The following NEDD4L variants were observed in gnomAD, a reference collection of about 807,000 sequenced individuals.
NEDD4L encodes the protein NEDD4 like E3 ubiquitin protein ligase, also known as E3 ubiquitin-protein ligase NEDD4-like.
A neutral mutation model predicts 148.9 loss-of-function variants in NEDD4L; 54 were observed. The ratio of observed to expected loss-of-function variants is 0.36; its 90% CI spans 0.29 to 0.45. The LOEUF (loss-of-function observed/expected upper bound fraction) is 0.45. Among genes scored for constraint, NEDD4L ranks in the 20% least tolerant of loss-of-function variants. The pLI is 1.00. For synonymous variants in NEDD4L, 433 were observed against 440.7 expected (o/e 0.98, Z 0.22); for missense variants, 856 against 1,233.8 (o/e 0.69, Z 4.59).
chr18:58,180,240 C>A (rs1227444207), intron 2 of NEDD4L, among the ~76,000 whole-genome samples: 1 of 152,204 alleles, frequency 6.6e-6, no homozygotes, highest in African/African-American at 2.4e-5. Context: ...CAGAACCACC[C>A]CCTTCTCCCT....
intron 1 of NEDD4L, among the ~76,000 whole-genome samples, chr18:58,142,040 CTTT>C (rs552184742): frequency 4.8e-5 from 2 of 41,864 alleles, no homozygotes; most frequent in Non-Finnish European, 9.1e-5. Context: ...AAATTTCTTT[CTTT>C]TTTTTTTTTT....
At position 58,351,027 on chromosome 18, in the gene NEDD4L, A is replaced by G. The variant is rs1188940410; in HGVS notation, c.1690A>G (p.Thr564Ala). 6.3e-7 allele frequency: 1 copy of G among 1,594,956 alleles called. No individual in the cohort carries two copies. The highest frequency in any genetic ancestry group is 8.5e-7 in the Non-Finnish European group (1 of 1,170,008). Residue 564 changes from threonine (T) to alanine (A), a missense_variant, in exon 18 of 31, where the codon ACG becomes GCG. Thr to Ala is a moderately conservative substitution (Grantham distance 58). This residue lies in a region of NEDD4L where 286 missense variants were observed against 531.8 expected (regional missense o/e 0.54). Coordinates refer to ENST00000400345, the MANE Select transcript of NEDD4L (RefSeq NM_001144967.3). ...WEERIHLDGR[T>A]FYIDHNSKIT... is the part of the protein sequence containing the mutation. ...AGAAAGAATTCACTTGGATGGCCGA[A>G]CGTTTTATATTGATCATAGTAAGTA...
At chr18:58,122,173 G>T (rs1436329533) in intron 1 of NEDD4L, among the ~76,000 whole-genome samples, 2 of 152,186 alleles carry the variant, frequency 1.3e-5, no homozygotes, top group Non-Finnish European at 2.9e-5. Flanking sequence ...CTGATGGCAG[G>T]GTTGGCAGTG....
chr18:58,356,394 C>G (rs368871843), intron 18 of NEDD4L, among the ~76,000 whole-genome samples: 8 of 151,308 alleles, frequency 5.3e-5, no homozygotes, highest in African/African-American at 1.7e-4. Context: ...GAGTCCATTG[C>G]ACTCTCTCTC....
At chr18:58,044,882 C>T (rs1156241230) in intron 1 of NEDD4L, among the ~76,000 whole-genome samples, 174 bp downstream of exon 1, 2 of 152,184 alleles carry the variant, frequency 1.3e-5, no homozygotes, top group Admixed American at 1.3e-4. Context: ...TTCCGCACCC[C>T]CCACCCTCCG....
intron 1 of NEDD4L, among the ~76,000 whole-genome samples, chr18:58,096,045 G>C (rs1180985591): frequency 6.6e-6 from 1 of 152,060 alleles, no homozygotes; most frequent in Non-Finnish European, 1.5e-5. Context: ...CCCTGATTTA[G>C]AGTTTTAGGA....
At chr18:58,252,883 T>C (rs2048096105) in intron 5 of NEDD4L, among the ~76,000 whole-genome samples, 1 of 152,128 alleles carries the variant, frequency 6.6e-6, no homozygotes, top group Admixed American at 6.5e-5. Flanking sequence ...CAGATTTCAT[T>C]TTAGAAATGG....
intron 2 of NEDD4L, chr18:58,227,832 TCTG>T: frequency 2.1e-6 from 2 of 970,662 alleles, no homozygotes; most frequent in Non-Finnish European, 2.4e-6. Flanking sequence ...TCTTTCAGCT[TCTG>T]CTCCATTGCT....
At chr18:58,360,295 G>T (rs1009955643) in intron 19 of NEDD4L, among the ~76,000 whole-genome samples, 1 of 152,116 alleles carries the variant, frequency 6.6e-6, no homozygotes, top group East Asian at 1.9e-4. Flanking sequence ...GCATTTTTCC[G>T]ATTCTCTCTA....
intron 1 of NEDD4L, among the ~76,000 whole-genome samples, chr18:58,135,341 G>T (rs1420708543): frequency 6.6e-6 from 1 of 152,250 alleles, no homozygotes; most frequent in African/African-American, 2.4e-5. Flanking sequence ...TCATGTGGTA[G>T]TTTAATGATA....
At chr18:58,228,978 G>A (rs2044722632) in intron 2 of NEDD4L, among the ~76,000 whole-genome samples, 1 of 152,164 alleles carries the variant, frequency 6.6e-6, no homozygotes, top group Admixed American at 6.5e-5. Flanking sequence ...TTCTCGAGGC[G>A]CGGCTCACAA....
At chr18:58,301,844 C>G (rs1253687754) in intron 5 of NEDD4L, among the ~76,000 whole-genome samples, 2 of 152,156 alleles carry the variant, frequency 1.3e-5, no homozygotes, top group African/African-American at 4.8e-5. Flanking sequence ...GGCCCCAAGC[C>G]CAGCTCTGTC....
chr18:58,344,652 T>A (rs1464242203), intron 16 of NEDD4L, among the ~76,000 whole-genome samples: 1 of 152,232 alleles, frequency 6.6e-6, no homozygotes, highest in African/African-American at 2.4e-5. Context: ...GAAGATAATG[T>A]TACAGATTTG....
intron 5 of NEDD4L, among the ~76,000 whole-genome samples, chr18:58,277,502 A>C (rs1252658577): frequency 2.0e-5 from 3 of 151,818 alleles, no homozygotes; most frequent in Admixed American, 6.6e-5. Flanking sequence ...TAATTGTGGC[A>C]GTCTCCCCTA....
At chr18:58,180,567 G>A (rs2038750050) in intron 2 of NEDD4L, among the ~76,000 whole-genome samples, 1 of 152,082 alleles carries the variant, frequency 6.6e-6, no homozygotes, top group Non-Finnish European at 1.5e-5. Flanking sequence ...CCCACCCCTT[G>A]GCTGAATCTC....
chr18:58,044,631 G>T lies in NEDD4L; in HGVS notation c.-30G>T. The T allele has an allele frequency of 6.3e-7, 1 of 1,580,246 alleles. No homozygotes were observed. Among genetic ancestry groups the T allele is most frequent in the Non-Finnish European group, 8.6e-7 (1 of 1,164,412 alleles). On this transcript the variant is annotated 5_prime_UTR_variant, in exon 1 of 31. Coordinates refer to ENST00000400345, the MANE Select transcript of NEDD4L (RefSeq NM_001144967.3). ...GCGCCGCAGCACAGCCGCTGGGAGCGCCTCAGACCCCGCGCGGGGCGCCGG... is the reference window on the plus strand; with the variant it reads ...GCGCCGCAGCACAGCCGCTGGGAGCTCCTCAGACCCCGCGCGGGGCGCCGG...
chr18:58,276,744 C>G (rs60769879), intron 5 of NEDD4L, among the ~76,000 whole-genome samples: 27,242 of 150,964 alleles, frequency 0.18, 2,603 homozygotes, highest in Non-Finnish European at 0.18. Flanking sequence ...AAGTTAATAG[C>G]TCCCACCCAT....
At chr18:58,227,210 G>A (rs554476656) in intron 2 of NEDD4L, among the ~76,000 whole-genome samples, 1 of 152,318 alleles carries the variant, frequency 6.6e-6, no homozygotes, top group African/African-American at 2.4e-5. Context: ...AGAGCGTTTT[G>A]TCTGTTTTCT....
chr18:58,385,835 C>T (rs2048941531), intron 26 of NEDD4L, among the ~76,000 whole-genome samples: 1 of 151,948 alleles, frequency 6.6e-6, no homozygotes, highest in Non-Finnish European at 1.5e-5. Flanking sequence ...CTTATTTTTA[C>T]ATTTGTCCTG....
Sources: gnomAD v4.1 joint callset for allele counts (sites outside exome capture counted in the v4.1 genomes callset) on GRCh38, gnomAD v4.1.1 for gene constraint, gnomAD v4.1.1 regional missense constraint, MANE v1.5 for transcripts, NCBI Gene and HGNC (gene_info 2026-07-23, HGNC 2026-07-21) for gene names.